ETFDH: variants seen among roughly 807,000 people sequenced by gnomAD.
The protein encoded by ETFDH is electron transfer flavoprotein dehydrogenase.
In ETFDH, 61 loss-of-function variants were observed where a neutral mutation model predicts 73.2. That is an observed-to-expected ratio of 0.83 (90% CI 0.68 to 1.03). The LOEUF (loss-of-function observed/expected upper bound fraction) is 1.03. Among genes scored for constraint, ETFDH ranks in the 50% least tolerant of loss-of-function variants. The pLI, the probability that ETFDH is intolerant of heterozygous loss-of-function variation, is 0.00. For synonymous variants in ETFDH, 243 were observed against 253.3 expected (o/e 0.96, Z 0.39); for missense variants, 685 against 745.0 (o/e 0.92, Z 0.94).
rs368132215 is a variant in ETFDH at position 158,676,602 on chromosome 4, C to T, written c.35-3865C>T. On this transcript the variant is annotated intron_variant, in intron 1 of 12. Transcript: ENST00000511912. ...CTATAAACTCCCAAAGTTAGTTCAG[C>T]CTACTCCCAGGAATGAACAAGGACT... Among the ~76,000 whole-genome samples the T allele has an allele frequency of 2.6e-5, 4 of 152,320 alleles. No individual in the cohort carries two copies. In the East Asian group the frequency reaches 7.7e-4, roughly 29 times the overall value.
intron 5 of ETFDH, among the ~76,000 whole-genome samples, chr4:158,685,968 T>C (rs1398903238): frequency 2.6e-5 from 4 of 152,240 alleles, no homozygotes; most frequent in African/African-American, 9.6e-5. Flanking sequence ...AGTGTTTGTC[T>C]AGGTGTAGTT....
In ETFDH at chr4:158,687,256, G is replaced by C. The variant is rs144385526; in HGVS notation, c.606+2037G>C. Reference sequence around the variant, plus strand: ...CTTTGGTAGGCCCGTATTTTAGGAAGATAAGGGAACTTCAGAGAACAACTT... The same window carrying C: ...CTTTGGTAGGCCCGTATTTTAGGAACATAAGGGAACTTCAGAGAACAACTT... On this transcript the variant is annotated intron_variant, in intron 5 of 12. Coordinates refer to ENST00000511912, the MANE Select transcript of ETFDH (RefSeq NM_004453.4). Among the ~76,000 whole-genome samples, 236 of 152,304 alleles carry C rather than the reference G, an allele frequency of 1.5e-3. 4 individuals are homozygous for C. Among genetic ancestry groups the C allele is most frequent in the African/African-American group, 5.2e-3 (215 of 41,554 alleles).
Position 158,706,228 on chromosome 4 carries a change from C to T in ETFDH, c.1325C>T (p.Ser442Leu), listed in dbSNP as rs1442766122. The T allele has an allele frequency of 2.5e-6, 4 of 1,612,596 alleles. No homozygotes were observed. In the South Asian group the frequency reaches 4.4e-5, roughly 18 times the overall value. ...VTEYEDNLKN[S>L]WVWKELYSVR... is the part of the protein sequence containing the mutation. ...GAATATGAGGACAATTTGAAGAACT[C>T]ATGGGTATGGAAAGAGCTATATTCT... The change falls in exon 11 of 13, where the codon TCA becomes TTA. Residue 442 changes from serine (S) to leucine (L), a missense_variant. Physicochemically the swap from Ser to Leu is moderately radical, Grantham distance 145. This residue lies in a region of ETFDH where 201 missense variants were observed against 225.2 expected (regional missense o/e 0.89). Coordinates refer to ENST00000511912, the MANE Select transcript of ETFDH (RefSeq NM_004453.4).
At chr4:158,675,567 G>A (rs1773690729) in intron 1 of ETFDH, among the ~76,000 whole-genome samples, 1 of 152,066 alleles carries the variant, frequency 6.6e-6, no homozygotes, top group South Asian at 2.1e-4. Context: ...AGGATTTCGA[G>A]ATCAGCTTAC....
In ETFDH at chr4:158,682,365, G is replaced by A; in HGVS notation, c.346G>A (p.Gly116Arg). The A allele has an allele frequency of 6.2e-7, 1 of 1,614,176 alleles. No individual in the cohort carries two copies. Among genetic ancestry groups the A allele is most frequent in the Non-Finnish European group, 8.5e-7 (1 of 1,180,014 alleles). ...AAQIGAHTLSGACLDPGAFKE... is the reference protein window; with the variant it reads ...AAQIGAHTLSRACLDPGAFKE... ...CCAGATAGGAGCTCATACTCTCTCAGGGGCTTGCCTTGATCCAGGTGCTTT... is the reference window on the plus strand; with the variant it reads ...CCAGATAGGAGCTCATACTCTCTCAAGGGCTTGCCTTGATCCAGGTGCTTT... The change falls in exon 3 of 13, where the codon GGG (glycine) becomes AGG (arginine). Residue 116 changes from glycine to arginine, a missense_variant. Coordinates refer to ENST00000511912, the MANE Select transcript of ETFDH (RefSeq NM_004453.4).
chr4:158,680,418 A>G, intron 1 of ETFDH, 49 bp from the exon 2 acceptor site: 6 of 1,423,958 alleles, frequency 4.2e-6, no homozygotes, highest in Non-Finnish European at 6.0e-6. Flanking sequence ...CAGTCTACTG[A>G]GGAAAACTAA....
intron 10 of ETFDH, 55 bp from the exon 11 acceptor site, chr4:158,706,134 A>C: frequency 8.3e-7 from 1 of 1,209,228 alleles, no homozygotes; most frequent in East Asian, 2.3e-5. Flanking sequence ...TACTTAGCGT[A>C]TTTTACACAC....
intron 2 of ETFDH, among the ~76,000 whole-genome samples, chr4:158,680,861 G>A (rs1010413452): frequency 6.6e-6 from 1 of 152,014 alleles, no homozygotes; most frequent in Non-Finnish European, 1.5e-5. Flanking sequence ...CCAGACCATC[G>A]TAGCTCAACA....
chr4:158,695,068 G>A (rs2150310787), intron 6 of ETFDH, among the ~76,000 whole-genome samples: 1 of 152,316 alleles, frequency 6.6e-6, no homozygotes, highest in Admixed American at 6.5e-5. Flanking sequence ...CCTTGTATAT[G>A]TGAACCCACA....
At chr4:158,696,840 G>T (rs1029006744) in intron 7 of ETFDH, among the ~76,000 whole-genome samples, 18 of 152,094 alleles carry the variant, frequency 1.2e-4, no homozygotes, top group Admixed American at 1.0e-3. Flanking sequence ...TTTTTACATG[G>T]TGAACATATC....
chr4:158,672,775 G>A (rs896409905), intron 1 of ETFDH, among the ~76,000 whole-genome samples: 1 of 152,062 alleles, frequency 6.6e-6, no homozygotes, highest in South Asian at 2.1e-4. Context: ...CACCTCGGTG[G>A]ACTCCTGAAC....
chr4:158,687,032 A>C (rs543678892), intron 5 of ETFDH, among the ~76,000 whole-genome samples: 31 of 152,164 alleles, frequency 2.0e-4, no homozygotes, highest in Non-Finnish European at 3.8e-4. Flanking sequence ...TTAGGGGGAT[A>C]GTAGGTGATT....
intron 9 of ETFDH, among the ~76,000 whole-genome samples, chr4:158,702,082 TAAAATAAA>T (rs1774478761): frequency 6.6e-6 from 1 of 152,130 alleles, no homozygotes; most frequent in African/African-American, 2.4e-5. Flanking sequence ...GCTGTCAAAG[TAAAATAAA>T]GAGGGTGTAT....
At chr4:158,689,636 A>T (rs10857318) in intron 5 of ETFDH, among the ~76,000 whole-genome samples, 19,132 of 62,990 alleles carry the variant, frequency 0.3, 5,406 homozygotes, top group East Asian at 0.47. Flanking sequence ...ATATATATAT[A>T]TTGTGGGGGG....
At chr4:158,692,387 G>A (rs1242040891) in intron 6 of ETFDH, among the ~76,000 whole-genome samples, 1 of 125,350 alleles carries the variant, frequency 8.0e-6, no homozygotes, top group East Asian at 2.4e-4. Context: ...GCTACAGAGC[G>A]AGACACCGTC....
chr4:158,703,805 T>C (rs969272444), intron 10 of ETFDH, among the ~76,000 whole-genome samples: 1 of 152,186 alleles, frequency 6.6e-6, no homozygotes, highest in Non-Finnish European at 1.5e-5. Flanking sequence ...AGTAGAAAAG[T>C]ACCAGTGGTA....
rs200611086 is a variant in ETFDH at position 158,703,583 on chromosome 4, A to G, written c.1277A>G (p.Lys426Arg). ...NQLTSENLQS[K>R]TIGLHVTEYE... ...CTAACTAGTGAAAATCTCCAATCAA[A>G]GACAATAGGTAAGAAATTCCTGTGT... is the stretch of plus-strand genomic sequence containing the variant. Residue 426 changes from lysine to arginine, a missense_variant, in exon 10 of 13, where the codon AAG becomes AGG. Physicochemically the swap from Lys to Arg is conservative, Grantham distance 26. Around this residue, in one of 3 missense-constraint regions of ETFDH, gnomAD observed 79 missense variants for 120.5 expected, o/e 0.66. Transcript: ENST00000511912. The G allele has an allele frequency of 2.5e-5, 40 of 1,593,022 alleles. 1 individual carries two copies. The African/African-American group carries it at 4.8e-4, about 19-fold the overall frequency.
At chr4:158,704,802 A>C (rs751159398) in intron 10 of ETFDH, among the ~76,000 whole-genome samples, 4 of 152,198 alleles carry the variant, frequency 2.6e-5, no homozygotes, top group Non-Finnish European at 4.4e-5. Flanking sequence ...TATGCCTTCA[A>C]ATCTTTGTAG....
At chr4:158,708,243 G>C (rs1385161767) in intron 12 of ETFDH, 121 bp from the exon 13 acceptor site, 1 of 680,990 alleles carries the variant, frequency 1.5e-6, no homozygotes, top group Non-Finnish European at 2.5e-6. Context: ...AATCTCTATG[G>C]GTAAGCATTC....
Sources: allele counts gnomAD v4.1 joint callset (sites outside exome capture counted in the v4.1 genomes callset), GRCh38; gene constraint gnomAD v4.1.1; regional missense constraint gnomAD v4.1.1; transcripts MANE v1.5; gene names NCBI Gene and HGNC (gene_info 2026-07-23, HGNC 2026-07-21).